MNAT1: variants seen among roughly 807,000 people sequenced by gnomAD.
MNAT1 encodes the protein CDK-activating kinase assembly factor MAT1.
Under a neutral mutation model 42.0 loss-of-function variants are expected in MNAT1, and 43 were observed. The ratio of observed to expected loss-of-function variants is 1.02; its 90% CI spans 0.80 to 1.32. The LOEUF is 1.32. MNAT1 is among the 40% of genes most tolerant of loss of function. MNAT1 has a pLI of 0.00. For missense variants in MNAT1, 306 were observed against 350.4 expected (o/e 0.87, Z 1.01); for synonymous variants, 118 against 120.0 (o/e 0.98, Z 0.11).
Position 60,812,130 on chromosome 14 carries a change from A to G in MNAT1, c.561+3A>G, listed in dbSNP as rs1263428357. The G allele has an allele frequency of 1.9e-6, 3 of 1,576,814 alleles. No individual in the cohort carries two copies. Among genetic ancestry groups the G allele is most frequent in the African/African-American group, 1.4e-5 (1 of 72,932 alleles). On this transcript the variant is annotated splice_donor_region_variant and intron_variant, in intron 5 of 7. Coordinates refer to ENST00000261245, the MANE Select transcript of MNAT1 (RefSeq NM_002431.4). ...AGCAGGCTTTTTTAGATGAGCTGGT[A>G]TGTATTAATGCTAATTGTGATTGTA...
chr14:60,939,695 G>T (rs1594893868), intron 7 of MNAT1, among the ~76,000 whole-genome samples: 1 of 152,172 alleles, frequency 6.6e-6, no homozygotes, highest in Non-Finnish European at 1.5e-5. Context: ...GTGCTGAAAA[G>T]AATGTATATT....
intron 5 of MNAT1, among the ~76,000 whole-genome samples, chr14:60,812,384 C>A (rs1288416637): frequency 1.3e-5 from 2 of 152,222 alleles, no homozygotes; most frequent in Non-Finnish European, 2.9e-5. Flanking sequence ...GGCTTTTCTG[C>A]TTCCCTAATG....
chr14:60,838,986 G>A (rs1364382795), intron 6 of MNAT1, among the ~76,000 whole-genome samples: 2 of 152,138 alleles, frequency 1.3e-5, no homozygotes, highest in East Asian at 1.9e-4. Context: ...GAGGGAGGCC[G>A]ATGGGTCCCT....
chr14:60,829,868 C>T (rs1042008504), intron 6 of MNAT1, among the ~76,000 whole-genome samples: 1 of 152,192 alleles, frequency 6.6e-6, no homozygotes, highest in Admixed American at 6.5e-5. Context: ...AGGCAGATTT[C>T]AGCTTTATAG....
chr14:60,769,455 T>A (rs1011903564), intron 1 of MNAT1, among the ~76,000 whole-genome samples: 1 of 152,014 alleles, frequency 6.6e-6, no homozygotes, highest in Non-Finnish European at 1.5e-5. Context: ...TATTTTATTT[T>A]ATTTTTTTTC....
In MNAT1 at chr14:60,918,291, C is replaced by T. The variant is rs375877020; in HGVS notation, c.809+38456C>T. Among the ~76,000 whole-genome samples, 821 of 131,058 alleles carry T rather than the reference C, an allele frequency of 6.3e-3. 6 individuals are homozygous for T. The highest frequency in any genetic ancestry group is 0.025 in the South Asian group (95 of 3,758). 86.0% of individuals were successfully genotyped at this position (131,058 alleles called of 152,430 possible). On this transcript the variant is annotated intron_variant, in intron 7 of 7. Coordinates refer to ENST00000261245, the MANE Select transcript of MNAT1 (RefSeq NM_002431.4). ...TGGTGCGATCTTGGCTCACTGCAAG[C>T]TCTGCCTCCCGGGTTCACGCCATTC... is the stretch of plus-strand genomic sequence containing the variant.
At chr14:60,923,303 G>A (rs1458152148) in intron 7 of MNAT1, among the ~76,000 whole-genome samples, 1 of 152,110 alleles carries the variant, frequency 6.6e-6, no homozygotes, top group Non-Finnish European at 1.5e-5. Flanking sequence ...TTTCCAACAA[G>A]TTCCTAAGTA....
chr14:60,895,994 A>G (rs1159358249), intron 7 of MNAT1, among the ~76,000 whole-genome samples: 1 of 152,172 alleles, frequency 6.6e-6, no homozygotes, highest in Non-Finnish European at 1.5e-5. Context: ...CAAGAACTAT[A>G]TTTTTGTTCT....
chr14:60,774,848 G>A (rs1406789119), intron 1 of MNAT1, among the ~76,000 whole-genome samples: 3 of 152,168 alleles, frequency 2.0e-5, no homozygotes, highest in African/African-American at 4.8e-5. Context: ...TGGGGGAGGA[G>A]CAGATAGAGC....
At chr14:60,795,819 T>C (rs1594759392) in intron 1 of MNAT1, among the ~76,000 whole-genome samples, 1 of 152,310 alleles carries the variant, frequency 6.6e-6, no homozygotes, top group South Asian at 2.1e-4. Context: ...TTGGGGTATA[T>C]AGGGCTCTCT....
chr14:60,968,841 A>G lies in MNAT1; in HGVS notation c.*492A>G. 4.3e-6 allele frequency: 1 copy of G among 229,886 alleles called. No homozygotes were observed. Among genetic ancestry groups the G allele is most frequent in the Non-Finnish European group, 8.5e-6 (1 of 118,128 alleles). 14.2% of individuals were successfully genotyped at this position (229,886 alleles called of 1,614,324 possible). On this transcript the variant is annotated 3_prime_UTR_variant, in exon 8 of 8. Coordinates refer to ENST00000261245, the MANE Select transcript of MNAT1 (RefSeq NM_002431.4). ...TTAATACTAGTCCAGACAAGTGGAT[A>G]TATTTCCTTTGACCAAGTTATGGCA...
At chr14:60,915,247 G>A (rs1252882389) in intron 7 of MNAT1, among the ~76,000 whole-genome samples, 1 of 152,020 alleles carries the variant, frequency 6.6e-6, no homozygotes, top group African/African-American at 2.4e-5. Context: ...GCTGTCTCTT[G>A]ACTTCCTAGT....
intron 7 of MNAT1, among the ~76,000 whole-genome samples, chr14:60,952,205 T>C (rs1345340304): frequency 1.3e-5 from 2 of 152,094 alleles, no homozygotes; most frequent in African/African-American, 2.4e-5. Flanking sequence ...TCAGGGTACA[T>C]GGAGATGGTT....
chr14:60,940,649 C>T, intron 7 of MNAT1, among the ~76,000 whole-genome samples: 1 of 152,146 alleles, frequency 6.6e-6, no homozygotes, highest in African/African-American at 2.4e-5. Flanking sequence ...AATCTTCTGA[C>T]CTCATGATCT....
intron 6 of MNAT1, among the ~76,000 whole-genome samples, chr14:60,859,244 T>TGGTA (rs2034038445): frequency 6.6e-6 from 1 of 152,230 alleles, no homozygotes; most frequent in African/African-American, 2.4e-5. Flanking sequence ...TGGACTATCT[T>TGGTA]GGTAGGTCTT....
intron 1 of MNAT1, among the ~76,000 whole-genome samples, chr14:60,773,514 A>G (rs1276939823): frequency 6.6e-6 from 1 of 152,242 alleles, no homozygotes; most frequent in Admixed American, 6.5e-5. Context: ...CATAAAAAGC[A>G]GGATATATAT....
rs570874881 is a variant in MNAT1, at chr14:60,787,743, C to G, written c.90-8474C>G. Among the ~76,000 whole-genome samples the G allele has an allele frequency of 2.6e-4, 39 of 152,252 alleles. No homozygotes were observed. The South Asian group carries it at 7.9e-3, about 31-fold the overall frequency. ...TCTTCACCAGGAGTAGATTCCATAT[C>G]AAGAATCATCCCTAAGAAGCCCAAA... On this transcript the variant is annotated intron_variant, in intron 1 of 7. Transcript: ENST00000261245.
intron 6 of MNAT1, among the ~76,000 whole-genome samples, chr14:60,852,178 C>T (rs138688373): frequency 0.031 from 4,788 of 152,274 alleles, 118 homozygotes; most frequent in Non-Finnish European, 0.05. Context: ...TATTTCTCCA[C>T]ATCCTCTGCA....
intron 6 of MNAT1, among the ~76,000 whole-genome samples, chr14:60,868,933 A>G (rs1239218841): frequency 2.0e-5 from 3 of 151,292 alleles, no homozygotes; most frequent in African/African-American, 7.3e-5. Flanking sequence ...GAGCATTTTA[A>G]AATTTATGGA....
Sources: gnomAD v4.1 joint callset for allele counts (sites outside exome capture counted in the v4.1 genomes callset) on GRCh38, gnomAD v4.1.1 for gene constraint, MANE v1.5 for transcripts, NCBI Gene and HGNC (gene_info 2026-07-23, HGNC 2026-07-21) for gene names.